The following OC90 variants were observed in gnomAD, a reference collection of about 807,000 sequenced individuals.
The protein encoded by OC90 is otoconin-90.
Under a neutral mutation model 47.3 loss-of-function variants are expected in OC90, and 46 were observed. That is an observed-to-expected ratio of 0.97 (90% CI 0.77 to 1.24). The LOEUF (loss-of-function observed/expected upper bound fraction) is 1.24, where lower values mean the gene tolerates loss of function less well. Ranked by LOEUF, OC90 falls within the 50% of genes most tolerant of loss-of-function variation. OC90 has a pLI of 0.00. For synonymous variants in OC90, 271 were observed against 219.5 expected (o/e 1.23, Z -2.07); for missense variants, 688 against 583.9 (o/e 1.18, Z -1.84).
At chr8:132,038,895 G>A (rs1335544281) in intron 7 of OC90, 64 bp from the exon 8 acceptor site, 4 of 1,603,360 alleles carry the variant, frequency 2.5e-6, no homozygotes, top group African/African-American at 2.7e-5. Flanking sequence ...GTTTGAAGAT[G>A]CTGGACTTGG....
intron 12 of OC90, 119 bp downstream of exon 12, chr8:132,031,762 C>T: frequency 3.8e-6 from 3 of 788,392 alleles, no homozygotes; most frequent in Non-Finnish European, 6.1e-6. Context: ...CTGCTGTGTG[C>T]ACCAAGCATT....
At chr8:132,026,679 T>A (rs1165209122) in intron 13 of OC90, among the ~76,000 whole-genome samples, 4 of 152,204 alleles carry the variant, frequency 2.6e-5, no homozygotes, top group African/African-American at 7.2e-5. Flanking sequence ...AATCTTCAGA[T>A]GCAGTGTTCC....
chr8:132,047,786 G>A (rs1823153127), intron 2 of OC90, among the ~76,000 whole-genome samples: 1 of 152,106 alleles, frequency 6.6e-6, no homozygotes. Flanking sequence ...TTAAAAATTA[G>A]AATTATAAAA....
chr8:132,024,897 G>T (rs7812433), intron 13 of OC90, 121 bp from the exon 14 acceptor site: 287,569 of 773,594 alleles, frequency 0.37, 57,876 homozygotes, highest in East Asian at 0.64. Context: ...CACCTTCAGG[G>T]TATCCACCTT....
chr8:132,033,039 C>T lies in OC90; in HGVS notation c.859G>A (p.Ala287Thr). The change falls in exon 11 of 14, where the codon GCC becomes ACC. Residue 287 changes from alanine (A) to threonine (T), a missense_variant and splice_region_variant. Transcript: ENST00000254627. ...ENDPEETTEKACDRFTFLHLG... is the reference protein window; with the variant it reads ...ENDPEETTEKTCDRFTFLHLG... ...GAGGACAGACACTGCTTCTGCTCAC[C>T]TTTTTCAGTGGTCTCCTCAGGATCA... 2 of 1,608,866 alleles carry T rather than the reference C, an allele frequency of 1.2e-6. No individual in the cohort carries two copies. Among genetic ancestry groups the T allele is most frequent in the Non-Finnish European group, 1.7e-6 (2 of 1,177,824 alleles).
intron 13 of OC90, among the ~76,000 whole-genome samples, chr8:132,026,795 C>T (rs1384765026): frequency 3.3e-5 from 5 of 152,178 alleles, no homozygotes; most frequent in Non-Finnish European, 5.9e-5. Flanking sequence ...TAAACCCTCC[C>T]CTGGCTCCTC....
chr8:132,041,259 G>A, intron 5 of OC90, 103 bp from the exon 6 acceptor site: 4 of 760,004 alleles, frequency 5.3e-6, no homozygotes, highest in South Asian at 4.7e-5. Flanking sequence ...CCTGGCAGTG[G>A]TCTATTTTAA....
intron 1 of OC90, among the ~76,000 whole-genome samples, chr8:132,055,573 G>A (rs1823270808): frequency 6.6e-6 from 1 of 152,218 alleles, no homozygotes; most frequent in South Asian, 2.1e-4. Flanking sequence ...TGGCATGTAG[G>A]TTTTGAACCT....
At chr8:132,031,611 C>T (rs1822875548) in intron 12 of OC90, among the ~76,000 whole-genome samples, 2 of 152,182 alleles carry the variant, frequency 1.3e-5, no homozygotes, top group South Asian at 4.1e-4. Context: ...ACTGAAAGGG[C>T]TCTAGGCCCC....
chr8:132,048,459 C>T (rs555703143), intron 2 of OC90, among the ~76,000 whole-genome samples: 44 of 147,018 alleles, frequency 3.0e-4, no homozygotes, highest in African/African-American at 1.1e-3. Flanking sequence ...ACTAACCCAC[C>T]GTGGTCCCCC....
Position 132,024,793 on chromosome 8 carries a change from A to T in OC90, c.1139-17T>A. 1 of 1,599,150 alleles carries T rather than the reference A, an allele frequency of 6.3e-7. No individual in the cohort carries two copies. The highest frequency in any genetic ancestry group is 8.5e-7 in the Non-Finnish European group (1 of 1,171,674). On this transcript the variant is annotated splice_polypyrimidine_tract_variant and intron_variant, in intron 13 of 13. Transcript: ENST00000254627. ...GGCCCCCACCTTAGAAGGAAAGAGC[A>T]GAGTAGAAGCCATGAGACCTCTGAG...
intron 1 of OC90, among the ~76,000 whole-genome samples, chr8:132,057,088 T>C (rs1402651825): frequency 6.6e-6 from 1 of 152,208 alleles, no homozygotes; most frequent in Non-Finnish European, 1.5e-5. Context: ...TGAAATGAGT[T>C]AATCTTTGTG....
At chr8:132,049,286 C>T (rs1452033020) in intron 2 of OC90, among the ~76,000 whole-genome samples, 1 of 146,908 alleles carries the variant, frequency 6.8e-6, no homozygotes, top group Admixed American at 6.6e-5. Flanking sequence ...TCCAAACCTT[C>T]TGTGATTCTC....
At position 132,034,784 on chromosome 8, in the gene OC90, G is replaced by T; in HGVS notation, c.730C>A (p.Pro244Thr). 7 of 1,609,968 alleles carry T rather than the reference G, an allele frequency of 4.3e-6. No homozygotes were observed. Among genetic ancestry groups the T allele is most frequent in the Non-Finnish European group, 5.9e-6 (7 of 1,176,984 alleles). Residue 244 changes from proline (P) to threonine (T), a missense_variant, in exon 10 of 14, where the codon CCA (proline) becomes ACA (threonine). Physicochemically the swap from Pro to Thr is conservative, Grantham distance 38 (BLOSUM62 -1). Transcript: ENST00000254627. Reference protein sequence around the residue: ...GVGAARATSPPGSAEIVATRV... With the variant: ...GVGAARATSPTGSAEIVATRV... The stretch of plus-strand genomic sequence containing the variant: ...AGGTGGAGCCCAGTAGGCTTACCTG[G>T]AGGGGACGTAGCCCTAGCAGCTCCC...
chr8:132,038,879 G>A (rs774479240), intron 7 of OC90, 48 bp from the exon 8 acceptor site: 2 of 1,608,558 alleles, frequency 1.2e-6, no homozygotes, highest in African/African-American at 1.3e-5. Context: ...GTGGGTTTGA[G>A]GGAGGGTTTG....
Position 132,039,081 on chromosome 8 carries a change from T to G in OC90, c.500A>C (p.Lys167Thr). ...NCEHLLCTCD[K>T]AAIECLARSS... is the part of the protein sequence containing the mutation. ...TCGAGCCAAGCACTCTATGGCAGCC[T>G]TATCACAGGTACACAGCAGGTGCTC... Residue 167 changes from lysine (K) to threonine (T), a missense_variant, in exon 7 of 14, where the codon AAG becomes ACG. Coordinates refer to ENST00000254627, the MANE Select transcript of OC90 (RefSeq NM_001080399.3). 1 of 1,613,302 alleles carries G rather than the reference T, an allele frequency of 6.2e-7. No homozygotes were observed. Among genetic ancestry groups the G allele is most frequent in the Non-Finnish European group, 8.5e-7 (1 of 1,179,690 alleles).
At chr8:132,050,828 C>T (rs941210717) in intron 2 of OC90, among the ~76,000 whole-genome samples, 6 of 151,990 alleles carry the variant, frequency 3.9e-5, no homozygotes, top group African/African-American at 1.5e-4. Flanking sequence ...TGGAAAAACC[C>T]CATCTCTACT....
chr8:132,034,379 C>A (rs1822922522), intron 10 of OC90, among the ~76,000 whole-genome samples: 2 of 152,188 alleles, frequency 1.3e-5, no homozygotes, highest in Non-Finnish European at 2.9e-5. Flanking sequence ...CAGAACTGCT[C>A]AGTGAATGAG....
chr8:132,039,253 T>C (rs774623393), intron 6 of OC90, 130 bp from the exon 7 acceptor site: 2 of 965,352 alleles, frequency 2.1e-6, no homozygotes, highest in South Asian at 1.5e-5. Context: ...CTCCATCTCA[T>C]TCATGTCAGC....
Sources: gnomAD v4.1 joint callset for allele counts (sites outside exome capture counted in the v4.1 genomes callset) on GRCh38, gnomAD v4.1.1 for gene constraint, MANE v1.5 for transcripts, NCBI Gene and HGNC (gene_info 2026-07-23, HGNC 2026-07-21) for gene names.